The following DNAH14 variants were observed in gnomAD, a reference collection of about 807,000 sequenced individuals.
The protein encoded by DNAH14 is axonemal beta dynein heavy chain 14.
DNAH14 carries 478 observed loss-of-function variants against 520.9 expected under a neutral mutation model. The observed-to-expected ratio is 0.92, with a 90% confidence interval of 0.85 to 0.99. The LOEUF (loss-of-function observed/expected upper bound fraction) is 0.99. Among genes scored for constraint, DNAH14 ranks in the 50% least tolerant of loss-of-function variants. DNAH14 has a pLI of 0.00. For synonymous variants in DNAH14, 1,581 were observed against 1,757.2 expected (o/e 0.90, Z 2.51); for missense variants, 4,831 against 5,234.5 (o/e 0.92, Z 2.38).
Position 225,167,932 on chromosome 1 carries a change from CT to C in DNAH14, c.5446-3del. ...CATTTTAAATTTATGTATTTATTTC[CT>C]TTTAGAAAGTAATATATACTGCAAC... On this transcript the variant is annotated splice_polypyrimidine_tract_variant and splice_region_variant and intron_variant, in intron 35 of 85. Coordinates refer to ENST00000682510, the MANE Select transcript of DNAH14 (RefSeq NM_001367479.1). 1 of 1,445,970 alleles carries C rather than the reference CT, an allele frequency of 6.9e-7. No individual in the cohort carries two copies. Among genetic ancestry groups the C allele is most frequent in the Non-Finnish European group, 9.2e-7 (1 of 1,084,570 alleles). 89.6% of individuals were successfully genotyped at this position (1,445,970 alleles called of 1,614,324 possible). A position where few individuals can be genotyped will look rare whatever the true frequency, so the allele number is the denominator to read the frequency against.
At chr1:225,063,620 TCAAACAAAAA>T (rs2070461268) in intron 17 of DNAH14, among the ~76,000 whole-genome samples, 1 of 151,908 alleles carries the variant, frequency 6.6e-6, no homozygotes, top group Non-Finnish European at 1.5e-5. Context: ...GACTAAGAAA[TCAAACAAAAA>T]CAGAGACTCA....
In DNAH14 at chr1:225,318,681, A is replaced by T. The variant is rs779210925; in HGVS notation, c.9335+4A>T. 2.6e-5 allele frequency: 40 copies of T among 1,543,994 alleles called. No homozygotes were observed. The highest frequency in any genetic ancestry group is 8.7e-7 in the Non-Finnish European group (1 of 1,144,068). ...AAGCTGATGTCGCTGAATTAAGGTA[A>T]CTCTCCTAAGTTTCGTTTGAGTTGG... On this transcript the variant is annotated splice_donor_region_variant and intron_variant, in intron 61 of 85. Coordinates refer to ENST00000682510, the MANE Select transcript of DNAH14 (RefSeq NM_001367479.1).
chr1:225,129,561 A>C (rs1171866705), intron 27 of DNAH14, among the ~76,000 whole-genome samples: 3 of 152,220 alleles, frequency 2.0e-5, no homozygotes, highest in Admixed American at 6.5e-5. Flanking sequence ...AAAACAAGCA[A>C]TGTGGAAAGG....
chr1:225,058,404 A>G (rs1031910514), intron 17 of DNAH14, among the ~76,000 whole-genome samples: 11 of 151,982 alleles, frequency 7.2e-5, no homozygotes, highest in African/African-American at 2.7e-4. Context: ...TATTGCGTCT[A>G]TTTGATTCTT....
At chr1:225,355,272 T>G (rs1435113364) in intron 73 of DNAH14, among the ~76,000 whole-genome samples, 1 of 152,104 alleles carries the variant, frequency 6.6e-6, no homozygotes, top group Non-Finnish European at 1.5e-5. Flanking sequence ...TTTCTTTTTT[T>G]ATTTTATTTT....
chr1:225,233,430 T>C lies in DNAH14; in HGVS notation c.6518+2279T>C, dbSNP rs143238416. On this transcript the variant is annotated intron_variant, in intron 42 of 85. Coordinates refer to ENST00000682510, the MANE Select transcript of DNAH14 (RefSeq NM_001367479.1). The stretch of plus-strand genomic sequence containing the variant: ...CTAATTTACACTCCCACCAACAGTG[T>C]AAAAGCATTCCTTTTTCTTTGCAAC... Among the ~76,000 whole-genome samples the C allele has an allele frequency of 6.8e-4, 104 of 152,334 alleles. No homozygotes were observed. In the East Asian group the frequency reaches 7.3e-3, roughly 11 times the overall value.
At chr1:225,126,822 C>A (rs1366845363) in intron 27 of DNAH14, among the ~76,000 whole-genome samples, 1 of 151,854 alleles carries the variant, frequency 6.6e-6, no homozygotes, top group Non-Finnish European at 1.5e-5. Flanking sequence ...TTGGATCTTT[C>A]CTGCTTTCTC....
intron 52 of DNAH14, among the ~76,000 whole-genome samples, 186 bp from the exon 53 acceptor site, chr1:225,275,728 A>G (rs973341079): frequency 6.6e-6 from 1 of 152,200 alleles, no homozygotes. Flanking sequence ...ATTTTGAGAA[A>G]GAGTCCACAG....
In DNAH14 at chr1:225,346,513, AC is replaced by A. The variant is rs781562753; in HGVS notation, c.11156del (p.Thr3719MetfsTer2). On this transcript the variant is annotated frameshift_variant, in exon 71 of 86. Transcript: ENST00000682510. LOFTEE classifies it high-confidence loss of function. ...ACTTTGCTTCTCTTTTCGGCTTTGCACTGTAATCATGCAAAACAATGCTAAT... is the reference window on the plus strand; with the variant it reads ...ACTTTGCTTCTCTTTTCGGCTTTGCATGTAATCATGCAAAACAATGCTAAT... The part of the protein sequence containing the change: ...DKLCFSFRLC[T>X]VIMQNNANGN... 86 of 1,551,182 alleles carry A rather than the reference AC, an allele frequency of 5.5e-5. No individual in the cohort carries two copies. Among genetic ancestry groups the A allele is most frequent in the Non-Finnish European group, 7.2e-5 (82 of 1,146,844 alleles).
chr1:225,147,540 T>G (rs2080063771), intron 31 of DNAH14, among the ~76,000 whole-genome samples: 1 of 152,214 alleles, frequency 6.6e-6, no homozygotes, highest in Non-Finnish European at 1.5e-5. Flanking sequence ...AAATATATTT[T>G]AATTTTTTTT....
intron 81 of DNAH14, 56 bp downstream of exon 81, chr1:225,381,635 T>G: frequency 1.5e-6 from 2 of 1,313,776 alleles, no homozygotes; most frequent in Non-Finnish European, 2.1e-6. Flanking sequence ...AATGTCCAAG[T>G]TCAAGGGAAT....
intron 73 of DNAH14, 97 bp downstream of exon 73, chr1:225,353,985 G>A (rs2095402094): frequency 1.3e-6 from 1 of 757,354 alleles, no homozygotes; most frequent in Non-Finnish European, 2.2e-6. Flanking sequence ...CAAGCAAAGT[G>A]TATTTTTAAA....
At chr1:225,284,130 G>T (rs2093686294) in intron 54 of DNAH14, among the ~76,000 whole-genome samples, 1 of 151,962 alleles carries the variant, frequency 6.6e-6, no homozygotes, top group Non-Finnish European at 1.5e-5. Flanking sequence ...CCCAAAGCAT[G>T]CAGATGGAAG....
At chr1:225,032,764 A>C (rs555001577) in intron 11 of DNAH14, among the ~76,000 whole-genome samples, 1 of 152,116 alleles carries the variant, frequency 6.6e-6, no homozygotes, top group Non-Finnish European at 1.5e-5. Context: ...ACTTTTTAAT[A>C]ATAACCATTC....
chr1:225,201,873 C>CT (rs35342713), intron 38 of DNAH14, among the ~76,000 whole-genome samples: 19,518 of 122,266 alleles, frequency 0.16, 2,078 homozygotes, highest in East Asian at 0.3. Context: ...TTCTTTCTTC[C>CT]TTTTTTTTTT....
At chr1:225,104,346 CT>C (rs1236878038) in intron 23 of DNAH14, among the ~76,000 whole-genome samples, 1 of 152,060 alleles carries the variant, frequency 6.6e-6, no homozygotes, top group Non-Finnish European at 1.5e-5. Context: ...CTAAAATTCT[CT>C]TTTTTTGTTG....
chr1:225,144,474 A>C lies in DNAH14; in HGVS notation c.4586A>C (p.Tyr1529Ser). The C allele has an allele frequency of 6.4e-7, 1 of 1,551,678 alleles. No individual in the cohort carries two copies. Among genetic ancestry groups the C allele is most frequent in the Non-Finnish European group, 8.7e-7 (1 of 1,146,988 alleles). ...SQGNASFTYG[Y>S]EYLGCTSRLV... ...GGAAATGCCAGCTTTACTTATGGCTATGAGTACTTGGGCTGTACCTCAAGA... is the reference window on the plus strand; with the variant it reads ...GGAAATGCCAGCTTTACTTATGGCTCTGAGTACTTGGGCTGTACCTCAAGA... Residue 1529 changes from tyrosine to serine, a missense_variant, in exon 29 of 86, where the codon TAT becomes TCT. Tyr to Ser is a moderately radical substitution (Grantham distance 144). Coordinates refer to ENST00000682510, the MANE Select transcript of DNAH14 (RefSeq NM_001367479.1).
At chr1:225,285,501 C>T (rs890129861) in intron 54 of DNAH14, among the ~76,000 whole-genome samples, 2 of 152,014 alleles carry the variant, frequency 1.3e-5, no homozygotes, top group African/African-American at 4.8e-5. Flanking sequence ...GCCAAGATAG[C>T]GCCACTGCAC....
At chr1:224,944,447 C>T (rs984197252) in intron 1 of DNAH14, among the ~76,000 whole-genome samples, 2 of 152,144 alleles carry the variant, frequency 1.3e-5, no homozygotes, top group African/African-American at 2.4e-5. Context: ...CTTTATCCAG[C>T]TTGCCAGTCT....
Sources: allele counts gnomAD v4.1 joint callset (sites outside exome capture counted in the v4.1 genomes callset), GRCh38; gene constraint gnomAD v4.1.1; transcripts MANE v1.5; gene names NCBI Gene and HGNC (gene_info 2026-07-23, HGNC 2026-07-21).